Variants in LMBR1 observed in about 807,000 individuals in gnomAD.
LMBR1 encodes the protein limb development membrane protein 1, also known as limb region 1 protein homolog.
A neutral mutation model predicts 73.9 loss-of-function variants in LMBR1; 52 were observed. The observed-to-expected ratio is 0.70, with a 90% confidence interval of 0.56 to 0.89. The LOEUF (loss-of-function observed/expected upper bound fraction) is 0.89, where lower values mean the gene tolerates loss of function less well. Ranked by LOEUF, LMBR1 falls within the 40% of genes least tolerant of loss-of-function variation. The pLI is 0.00. For missense variants in LMBR1, 539 were observed against 579.8 expected (o/e 0.93, Z 0.72); for synonymous variants, 215 against 209.4 (o/e 1.03, Z -0.23).
rs898822797 is a variant in LMBR1 at position 156,827,117 on chromosome 7, G to A, written c.180-373C>T. Among the ~76,000 whole-genome samples, 16 of 151,974 alleles carry A rather than the reference G, an allele frequency of 1.1e-4. No individual in the cohort carries two copies. The South Asian group carries it at 1.7e-3, about 16-fold the overall frequency. Reference sequence around the variant, plus strand: ...ACAACTTTGACAACATATGCTAACAGCAATGCAACAACTGAGGTGAAAAAA... The same window carrying A: ...ACAACTTTGACAACATATGCTAACAACAATGCAACAACTGAGGTGAAAAAA... On this transcript the variant is annotated intron_variant, in intron 3 of 16. Coordinates refer to ENST00000353442, the MANE Select transcript of LMBR1 (RefSeq NM_022458.4).
At chr7:156,686,681 A>T (rs1289680811) in intron 16 of LMBR1, among the ~76,000 whole-genome samples, 1 of 152,240 alleles carries the variant, frequency 6.6e-6, no homozygotes, top group East Asian at 1.9e-4. Flanking sequence ...ACTTTAATAA[A>T]GGCTTTCTTA....
chr7:156,740,893 C>T (rs1194043231), intron 9 of LMBR1, among the ~76,000 whole-genome samples: 3 of 152,040 alleles, frequency 2.0e-5, no homozygotes, highest in Non-Finnish European at 4.4e-5. Context: ...CTACTCTTAT[C>T]GTAAGTAGAA....
At chr7:156,888,333 C>T (rs185782509) in intron 1 of LMBR1, among the ~76,000 whole-genome samples, 106 of 148,724 alleles carry the variant, frequency 7.1e-4, no homozygotes, top group Non-Finnish European at 1.0e-3. Flanking sequence ...TGGCATGAAC[C>T]GGGGGGGCGG....
At chr7:156,689,939 A>G (rs986460451) in intron 15 of LMBR1, among the ~76,000 whole-genome samples, 3 of 152,250 alleles carry the variant, frequency 2.0e-5, no homozygotes, top group Non-Finnish European at 2.9e-5. Context: ...CAGTGGCTTC[A>G]ACCCAGAGAT....
chr7:156,761,573 C>T (rs1284039613), intron 8 of LMBR1, among the ~76,000 whole-genome samples: 2 of 152,026 alleles, frequency 1.3e-5, no homozygotes, highest in Non-Finnish European at 2.9e-5. Flanking sequence ...AAATTTTGTC[C>T]TAAAATTTGC....
chr7:156,893,100 C>T lies in LMBR1; in HGVS notation c.-107G>A. On this transcript the variant is annotated 5_prime_UTR_variant, in exon 1 of 17. The change creates a new upstream start codon in the 5' untranslated region. Coordinates refer to ENST00000353442, the MANE Select transcript of LMBR1 (RefSeq NM_022458.4). ...GCCGCGCCGGGGACCGGAGCCGGCA[C>T]GGGCCCGCGAGCCGTGTTGGAACAG... is the stretch of plus-strand genomic sequence containing the variant. 8.6e-7 allele frequency: 1 copy of T among 1,162,944 alleles called. No homozygotes were observed. Among genetic ancestry groups the T allele is most frequent in the Non-Finnish European group, 1.1e-6 (1 of 904,902 alleles). 72.0% of individuals were successfully genotyped at this position (1,162,944 alleles called of 1,614,324 possible).
chr7:156,676,158 T>C, downstream of LMBR1: 2 of 1,117,488 alleles, frequency 1.8e-6, no homozygotes, highest in Non-Finnish European at 2.5e-6. Flanking sequence ...AGTTTGAAAT[T>C]CTGGAAGTTC....
At chr7:156,727,265 A>G (rs1320301774) in intron 12 of LMBR1, among the ~76,000 whole-genome samples, 1 of 152,168 alleles carries the variant, frequency 6.6e-6, no homozygotes, top group East Asian at 1.9e-4. Context: ...TTTTTACACA[A>G]TTATACAGGG....
At position 156,670,376 on chromosome 7, in the gene LMBR1, G is replaced by A. The variant is rs1044262811; in HGVS notation, n.867-1089C>T. Among the ~76,000 whole-genome samples the A allele has an allele frequency of 3.9e-5, 6 of 152,194 alleles. No homozygotes were observed. Among genetic ancestry groups the A allele is most frequent in the Admixed American group, 2.0e-4 (3 of 15,286 alleles). On this transcript the variant is annotated intron_variant and non_coding_transcript_variant, in intron 4 of 4. Transcript: ENST00000430825. The surrounding 1 kb of genome is among the most constrained non-coding windows in gnomAD (Gnocchi z 4.3). ...CTGCGTTTTGCATCCCCTGGAAAGC[G>A]GGTCCAGGGAAGTGACTTGCCTAAG...
intron 5 of LMBR1, among the ~76,000 whole-genome samples, chr7:156,795,872 C>A (rs564074084): frequency 3.1e-4 from 47 of 152,274 alleles, no homozygotes; most frequent in African/African-American, 1.0e-3. Flanking sequence ...TTTTAATTGC[C>A]TGTCTTAAGA....
chr7:156,771,338 T>G (rs184744086), intron 5 of LMBR1, among the ~76,000 whole-genome samples: 1 of 152,080 alleles, frequency 6.6e-6, no homozygotes, highest in Non-Finnish European at 1.5e-5. Flanking sequence ...CTAGCTAGAC[T>G]AATAAAGATA....
chr7:156,810,329 TG>T (rs1832876013), intron 4 of LMBR1, among the ~76,000 whole-genome samples: 1 of 152,184 alleles, frequency 6.6e-6, no homozygotes, highest in African/African-American at 2.4e-5. Context: ...CATCTATTCT[TG>T]GGGGATCTGC....
At chr7:156,798,890 A>C (rs2133406980) in intron 4 of LMBR1, among the ~76,000 whole-genome samples, 1 of 152,224 alleles carries the variant, frequency 6.6e-6, no homozygotes, top group South Asian at 2.1e-4. Flanking sequence ...TTTTAAAAAA[A>C]CATTTTTAAA....
chr7:156,725,895 T>C, intron 12 of LMBR1, 58 bp from the exon 13 acceptor site: 1 of 1,277,618 alleles, frequency 7.8e-7, no homozygotes, highest in Non-Finnish European at 1.1e-6. Context: ...TTGGTTTCCC[T>C]AAAACAGCTG....
intron 4 of LMBR1, among the ~76,000 whole-genome samples, chr7:156,814,325 G>C (rs1833567024): frequency 6.6e-6 from 1 of 152,168 alleles, no homozygotes; most frequent in Non-Finnish European, 1.5e-5. Context: ...ATTTTACTAA[G>C]GGAAATAATG....
chr7:156,788,207 G>A (rs1325748510), intron 5 of LMBR1, among the ~76,000 whole-genome samples: 1 of 152,106 alleles, frequency 6.6e-6, no homozygotes, highest in East Asian at 1.9e-4. Flanking sequence ...AGTCAAGGTG[G>A]GCGGACTGCT....
At chr7:156,750,246 C>T (rs1026505384) in intron 9 of LMBR1, among the ~76,000 whole-genome samples, 2 of 152,030 alleles carry the variant, frequency 1.3e-5, no homozygotes, top group Admixed American at 6.6e-5. Flanking sequence ...CAATTAATGC[C>T]GTTGCATTAC....
chr7:156,862,133 A>G (rs996772245), intron 1 of LMBR1, among the ~76,000 whole-genome samples: 1 of 152,256 alleles, frequency 6.6e-6, no homozygotes, highest in African/African-American at 2.4e-5. Context: ...TACAAAAGAA[A>G]GAGTTTTAAT....
chr7:156,745,491 C>G (rs963646900), intron 9 of LMBR1, among the ~76,000 whole-genome samples: 3 of 152,160 alleles, frequency 2.0e-5, no homozygotes, highest in African/African-American at 4.8e-5. Context: ...GGCTAGGGAC[C>G]AACTGGCCAG....
Sources: allele counts gnomAD v4.1 joint callset (sites outside exome capture counted in the v4.1 genomes callset), GRCh38; gene constraint gnomAD v4.1.1; non-coding constraint Gnocchi (gnomAD v3.1); transcripts MANE v1.5; gene names NCBI Gene and HGNC (gene_info 2026-07-23, HGNC 2026-07-21).